Variants in APP observed in about 807,000 individuals in gnomAD.
APP encodes the protein amyloid beta precursor protein, also known as amyloid-beta precursor protein.
Under a neutral mutation model 101.4 loss-of-function variants are expected in APP, and 31 were observed. The ratio of observed to expected loss-of-function variants is 0.31; its 90% CI spans 0.23 to 0.41. APP has a LOEUF of 0.41. Ranked by LOEUF, APP falls within the 10% of genes least tolerant of loss-of-function variation. APP has a pLI of 1.00. For synonymous variants in APP, 366 were observed against 364.4 expected, an observed-to-expected ratio of 1.00 and a Z score of -0.05; for missense variants, 839 against 1,003.7, an observed-to-expected ratio of 0.84 and a Z score of 2.22.
intron 13 of APP, among the ~76,000 whole-genome samples, chr21:25,912,163 T>C (rs1002038460): frequency 9.2e-5 from 14 of 152,332 alleles, no homozygotes; most frequent in African/African-American, 3.4e-4. Flanking sequence ...AAGCTACTTA[T>C]GCAAAGTCGC....
At chr21:26,005,805 C>T (rs890411025) in intron 6 of APP, among the ~76,000 whole-genome samples, 1 of 152,140 alleles carries the variant, frequency 6.6e-6, no homozygotes, top group East Asian at 1.9e-4. Context: ...ACATTAATTA[C>T]TATTATCACT....
At chr21:26,164,992 G>A (rs997204608) in intron 1 of APP, among the ~76,000 whole-genome samples, 2 of 151,598 alleles carry the variant, frequency 1.3e-5, no homozygotes, top group East Asian at 3.9e-4. Context: ...CAATGAGCAT[G>A]AATTATTTTC....
chr21:25,999,886 G>T, intron 7 of APP, 129 bp downstream of exon 7: 1 of 1,056,754 alleles, frequency 9.5e-7, no homozygotes, highest in Non-Finnish European at 1.4e-6. Flanking sequence ...TTAGAGAAGT[G>T]GACAGAAATG....
At chr21:26,009,401 G>C (rs983951021) in intron 6 of APP, among the ~76,000 whole-genome samples, 1 of 152,080 alleles carries the variant, frequency 6.6e-6, no homozygotes, top group African/African-American at 2.4e-5. Context: ...CCAGTACCAA[G>C]ATCATAATTT....
At chr21:26,096,561 C>T (rs571078372) in intron 2 of APP, among the ~76,000 whole-genome samples, 19 of 152,292 alleles carry the variant, frequency 1.2e-4, no homozygotes, top group African/African-American at 4.1e-4. Flanking sequence ...CAAAGGCTGT[C>T]GTTAGATAAG....
intron 2 of APP, among the ~76,000 whole-genome samples, chr21:26,102,511 G>T (rs954034305): frequency 1.3e-5 from 2 of 151,936 alleles, no homozygotes; most frequent in African/African-American, 4.8e-5. Context: ...TTTTTGTTTT[G>T]TTCTATTTAT....
At chr21:26,067,453 C>G (rs1174531483) in intron 3 of APP, among the ~76,000 whole-genome samples, 5 of 152,150 alleles carry the variant, frequency 3.3e-5, no homozygotes, top group Non-Finnish European at 7.3e-5. Flanking sequence ...TGAATGTGGA[C>G]AGGTTGGGGT....
At chr21:25,962,232 A>T (rs143907809) in intron 11 of APP, among the ~76,000 whole-genome samples, 1 of 152,354 alleles carries the variant, frequency 6.6e-6, no homozygotes, top group Admixed American at 6.5e-5. Flanking sequence ...TTAAAAAATC[A>T]TTCAAAATAA....
chr21:25,984,257 T>G lies in APP; in HGVS notation c.1091-1780A>C, dbSNP rs995735793. On this transcript the variant is annotated intron_variant, in intron 8 of 17. Coordinates refer to ENST00000346798, the MANE Select transcript of APP (RefSeq NM_000484.4). ...AAGAAAAAAAAGAAAAGGACAAGTT[T>G]TAAAATTTTAAAAATTGAGAAAAAG... Among the ~76,000 whole-genome samples, 4 of 151,910 alleles carry G rather than the reference T, an allele frequency of 2.6e-5. No individual in the cohort carries two copies. The East Asian group carries it at 7.7e-4, about 29-fold the overall frequency.
chr21:25,984,412 C>T (rs1310487178), intron 8 of APP, among the ~76,000 whole-genome samples: 1 of 151,924 alleles, frequency 6.6e-6, no homozygotes, highest in African/African-American at 2.4e-5. Flanking sequence ...TTAGGTGTAG[C>T]CCACATAAAA....
chr21:25,984,164 C>T (rs949146309), intron 8 of APP, among the ~76,000 whole-genome samples: 1 of 151,920 alleles, frequency 6.6e-6, no homozygotes, highest in Non-Finnish European at 1.5e-5. Context: ...CTAATGCTAA[C>T]CACGGGAAAG....
At chr21:25,881,954 A>G (rs914924289) in intron 17 of APP, among the ~76,000 whole-genome samples, 183 bp from the exon 18 acceptor site, 3 of 152,128 alleles carry the variant, frequency 2.0e-5, no homozygotes, top group Non-Finnish European at 4.4e-5. Context: ...AGTTACACAG[A>G]TGCTGTGCTC....
chr21:25,905,090 A>G lies in APP; in HGVS notation c.1910-13T>C. 1.2e-6 allele frequency: 2 copies of G among 1,612,772 alleles called. No individual in the cohort carries two copies. The highest frequency in any genetic ancestry group is 1.1e-5 in the South Asian group (1 of 91,006). On this transcript the variant is annotated splice_polypyrimidine_tract_variant and intron_variant, in intron 14 of 17. Transcript: ENST00000346798. ...TCAACAGGCTCAACTGGGCACAGGA[A>G]GCAAGGGACACAGAAAGCAAACAAG...
chr21:25,890,130 T>TCA (rs1348865728), intron 17 of APP, among the ~76,000 whole-genome samples: 2 of 152,204 alleles, frequency 1.3e-5, no homozygotes, highest in African/African-American at 4.8e-5. Context: ...TTTTATGTGC[T>TCA]CACACTCTGA....
intron 13 of APP, among the ~76,000 whole-genome samples, chr21:25,914,652 G>C (rs111957067): frequency 0.041 from 5,781 of 141,650 alleles, 145 homozygotes; most frequent in African/African-American, 0.065. Flanking sequence ...CTCCCGGGTT[G>C]ACGCCATTCT....
At chr21:26,087,362 A>C (rs2061724892) in intron 3 of APP, among the ~76,000 whole-genome samples, 1 of 152,252 alleles carries the variant, frequency 6.6e-6, no homozygotes, top group Non-Finnish European at 1.5e-5. Flanking sequence ...TCAACACGCC[A>C]AGTACCTACA....
intron 13 of APP, among the ~76,000 whole-genome samples, chr21:25,950,262 C>T (rs1308841683): frequency 6.6e-6 from 1 of 152,106 alleles, no homozygotes; most frequent in Non-Finnish European, 1.5e-5. Context: ...CAAATGCCAG[C>T]TCTTTTCTCC....
intron 1 of APP, among the ~76,000 whole-genome samples, chr21:26,119,885 C>G (rs1432839410): frequency 6.6e-6 from 1 of 152,158 alleles, no homozygotes; most frequent in Non-Finnish European, 1.5e-5. Context: ...TTGATAGTAA[C>G]AAATAAATGA....
intron 1 of APP, chr21:26,140,225 T>G (rs779533146): frequency 5.2e-6 from 8 of 1,535,978 alleles, no homozygotes; most frequent in Middle Eastern, 1.7e-4. Flanking sequence ...GCTCCAATCA[T>G]TGTCAATTAC....
Sources: gnomAD v4.1 joint callset for allele counts (sites outside exome capture counted in the v4.1 genomes callset) on GRCh38, gnomAD v4.1.1 for gene constraint, MANE v1.5 for transcripts, NCBI Gene and HGNC (gene_info 2026-07-23, HGNC 2026-07-21) for gene names.